Variants in RBM20 observed in about 807,000 individuals in gnomAD.
RBM20 encodes RNA-binding protein 20.
In RBM20, 51 loss-of-function variants were observed where a neutral mutation model predicts 110.1. The ratio of observed to expected loss-of-function variants is 0.46; its 90% CI spans 0.37 to 0.59. The LOEUF is 0.59. RBM20 is among the 20% of genes least tolerant of loss of function. The pLI is 0.00. For missense variants in RBM20, 1,512 were observed against 1,574.9 expected, an observed-to-expected ratio of 0.96 and a Z score of 0.68; for synonymous variants, 589 against 618.2, an observed-to-expected ratio of 0.95 and a Z score of 0.70.
intron 1 of RBM20, among the ~76,000 whole-genome samples, chr10:110,682,872 G>A (rs1299261945): frequency 6.6e-6 from 1 of 152,180 alleles, no homozygotes; most frequent in African/African-American, 2.4e-5. Flanking sequence ...AGTTATCATT[G>A]TCATATTCTA....
At chr10:110,708,174 G>A (rs979055458) in intron 1 of RBM20, among the ~76,000 whole-genome samples, 13 of 152,194 alleles carry the variant, frequency 8.5e-5, no homozygotes, top group African/African-American at 2.4e-4. Flanking sequence ...GTGCTTGGGC[G>A]TGATGCTCTG....
chr10:110,824,495 T>C (rs892203589), intron 12 of RBM20, among the ~76,000 whole-genome samples: 3 of 152,176 alleles, frequency 2.0e-5, no homozygotes, highest in African/African-American at 7.2e-5. Flanking sequence ...CTGTGTGCCC[T>C]CAGGTAAGTC....
chr10:110,799,572 G>C (rs1844594771), intron 6 of RBM20, among the ~76,000 whole-genome samples: 1 of 152,142 alleles, frequency 6.6e-6, no homozygotes, highest in Admixed American at 6.5e-5. Context: ...CCCAGGTAAA[G>C]ATATAGAGCA....
intron 1 of RBM20, among the ~76,000 whole-genome samples, chr10:110,767,414 G>T (rs1844115427): frequency 6.6e-6 from 1 of 150,774 alleles, no homozygotes; most frequent in African/African-American, 2.4e-5. Flanking sequence ...CTCCCGGACG[G>T]GGTGGCTGCC....
chr10:110,718,622 CTT>C (rs1370907526), intron 1 of RBM20, among the ~76,000 whole-genome samples: 4 of 60,092 alleles, frequency 6.7e-5, no homozygotes, highest in Non-Finnish European at 9.9e-5. Context: ...TTTTTTTTTT[CTT>C]TTTTTTTTTT....
chr10:110,784,953 GT>G (rs1274638487), intron 5 of RBM20, 64 bp downstream of exon 5: 1 of 1,107,474 alleles, frequency 9.0e-7, no homozygotes, highest in Non-Finnish European at 1.3e-6. Context: ...TTATTTGTTT[GT>G]TTATTTGAGA....
intron 1 of RBM20, among the ~76,000 whole-genome samples, chr10:110,706,686 T>C (rs1233233139): frequency 2.0e-5 from 3 of 152,202 alleles, no homozygotes; most frequent in Non-Finnish European, 4.4e-5. Context: ...AGGGTGAACC[T>C]CAAAACCAAT....
chr10:110,781,536 G>GCCA lies in RBM20; in HGVS notation c.929_931dup (p.Pro310dup), dbSNP rs1844348119. ...CTGGGGGCCTGAAAAGTGAGGTCGG[G>GCCA]CCACTGCTGCAGGGCACAAACAGCC... On this transcript the variant is annotated inframe_insertion, in exon 2 of 14. Transcript: ENST00000369519. 6.4e-7 allele frequency: 1 copy of GCCA among 1,551,546 alleles called. No homozygotes were observed. Among genetic ancestry groups the GCCA allele is most frequent in the African/African-American group, 1.4e-5 (1 of 73,040 alleles).
At chr10:110,728,631 G>C (rs796478409) in intron 1 of RBM20, among the ~76,000 whole-genome samples, 1 of 152,110 alleles carries the variant, frequency 6.6e-6, no homozygotes, top group Admixed American at 6.5e-5. Flanking sequence ...TATTATCAGG[G>C]TGTGTTTTTG....
At chr10:110,782,210 G>C (rs1399412849) in intron 2 of RBM20, among the ~76,000 whole-genome samples, 1 of 152,202 alleles carries the variant, frequency 6.6e-6, no homozygotes, top group Non-Finnish European at 1.5e-5. Flanking sequence ...CTCGTGGAGG[G>C]CTTCTCCCCC....
chr10:110,706,306 A>C (rs1862837515), intron 1 of RBM20, among the ~76,000 whole-genome samples: 1 of 152,202 alleles, frequency 6.6e-6, no homozygotes, highest in Non-Finnish European at 1.5e-5. Flanking sequence ...TATGATCCAC[A>C]CAAAGTGTCT....
chr10:110,695,159 C>T (rs1028430181), intron 1 of RBM20, among the ~76,000 whole-genome samples: 6 of 152,052 alleles, frequency 3.9e-5, no homozygotes, highest in Non-Finnish European at 2.9e-5. Context: ...GTTTTCTGGC[C>T]CCTGCTGAGT....
rs531961725 is a variant in RBM20 at position 110,657,447 on chromosome 10, A to G, written c.191+12802A>G. On this transcript the variant is annotated intron_variant, in intron 1 of 13. Transcript: ENST00000369519. ...ATGTTGGCTTGTTGGCCATTTGTATATCTTCTTTTGAGGAATGTCTACTCA... is the reference window on the plus strand; with the variant it reads ...ATGTTGGCTTGTTGGCCATTTGTATGTCTTCTTTTGAGGAATGTCTACTCA... 1.3e-4 allele frequency among the ~76,000 whole-genome samples: 20 copies of G among 151,994 alleles called. No homozygotes were observed. The South Asian group carries it at 4.1e-3, about 32-fold the overall frequency.
At chr10:110,663,263 C>T in intron 1 of RBM20, among the ~76,000 whole-genome samples, 1 of 152,058 alleles carries the variant, frequency 6.6e-6, no homozygotes, top group African/African-American at 2.4e-5. Context: ...CAGCCATCAC[C>T]CTGCTTTCTT....
At chr10:110,685,401 T>C (rs1862488515) in intron 1 of RBM20, among the ~76,000 whole-genome samples, 3 of 152,196 alleles carry the variant, frequency 2.0e-5, no homozygotes, top group South Asian at 4.1e-4. Context: ...TCGCAGGGAC[T>C]TTCTTGTTTT....
intron 1 of RBM20, among the ~76,000 whole-genome samples, chr10:110,724,144 CA>C (rs1461954910): frequency 6.6e-6 from 1 of 152,068 alleles, no homozygotes; most frequent in Non-Finnish European, 1.5e-5. Flanking sequence ...ACTTAGCCAT[CA>C]AAAGAGACAA....
At chr10:110,781,986 G>A in intron 2 of RBM20, 102 bp downstream of exon 2, 1 of 1,410,632 alleles carries the variant, frequency 7.1e-7, no homozygotes, top group South Asian at 1.3e-5. Flanking sequence ...CTGTTGCATT[G>A]GGGTAACAGA....
chr10:110,803,801 G>A (rs944378095), intron 7 of RBM20, among the ~76,000 whole-genome samples: 1 of 93,538 alleles, frequency 1.1e-5, no homozygotes, highest in South Asian at 4.0e-4. Context: ...CATTAAGCCT[G>A]TTGGCTTAAG....
chr10:110,741,386 C>T (rs896399884), intron 1 of RBM20, among the ~76,000 whole-genome samples: 1 of 152,178 alleles, frequency 6.6e-6, no homozygotes, highest in Non-Finnish European at 1.5e-5. Context: ...TAGGGGACTG[C>T]AGCTGTTTCC....
Sources: allele counts gnomAD v4.1 joint callset (sites outside exome capture counted in the v4.1 genomes callset), GRCh38; gene constraint gnomAD v4.1.1; transcripts MANE v1.5; gene names NCBI Gene and HGNC (gene_info 2026-07-23, HGNC 2026-07-21).